The following OGDH variants were observed in gnomAD, a reference collection of about 807,000 sequenced individuals.
The protein encoded by OGDH is 2-oxoglutarate dehydrogenase complex component E1.
In OGDH, 38 loss-of-function variants were observed where a neutral mutation model predicts 116.6. The ratio of observed to expected loss-of-function variants is 0.33; its 90% CI spans 0.25 to 0.43. The LOEUF is 0.43. Ranked by LOEUF, OGDH falls within the 20% of genes least tolerant of loss-of-function variation. The pLI, the probability that OGDH is intolerant of heterozygous loss-of-function variation, is 1.00. For missense variants in OGDH, 825 were observed against 1,357.2 expected (o/e 0.61, Z 6.16); for synonymous variants, 488 against 533.3 (o/e 0.92, Z 1.17).
intron 8 of OGDH, among the ~76,000 whole-genome samples, chr7:44,675,742 T>C (rs1787663450): frequency 6.6e-6 from 1 of 151,938 alleles, no homozygotes; most frequent in Non-Finnish European, 1.5e-5. Context: ...CCGGGCGTGG[T>C]GGCGCATGCC....
chr7:44,660,267 G>A (rs1786876128), intron 4 of OGDH, among the ~76,000 whole-genome samples: 1 of 152,186 alleles, frequency 6.6e-6, no homozygotes, highest in African/African-American at 2.4e-5. Context: ...CAAGACTACA[G>A]GTGTATGCCA....
chr7:44,695,701 C>CAA (rs551704915), intron 12 of OGDH, among the ~76,000 whole-genome samples: 24 of 83,174 alleles, frequency 2.9e-4, no homozygotes, highest in African/African-American at 7.8e-4. Flanking sequence ...GACTCCGTCT[C>CAA]AAAAAAAAAA....
rs182344096 is a variant in OGDH at position 44,663,316 on chromosome 7, T to C, written c.518-3420T>C. ...AATTTGTAACTCACTTTTAAAAATT[T>C]GTCTCTATCGTGTTCTTAATTGCTC... is the stretch of plus-strand genomic sequence containing the variant. On this transcript the variant is annotated intron_variant, in intron 4 of 22. Transcript: ENST00000222673. 7.6e-4 allele frequency among the ~76,000 whole-genome samples: 116 copies of C among 152,390 alleles called. 1 individual carries two copies. Among genetic ancestry groups the C allele is most frequent in the African/African-American group, 2.7e-3 (114 of 41,596 alleles).
intron 10 of OGDH, among the ~76,000 whole-genome samples, chr7:44,692,304 T>G (rs920833657): frequency 6.6e-6 from 1 of 152,198 alleles, no homozygotes; most frequent in African/African-American, 2.4e-5. Flanking sequence ...GTATACTGTG[T>G]CTGGTTAAGT....
intron 5 of OGDH, among the ~76,000 whole-genome samples, chr7:44,671,823 A>G (rs922392960): frequency 6.7e-6 from 1 of 149,914 alleles, no homozygotes; most frequent in African/African-American, 2.5e-5. Flanking sequence ...TAATCCCAGC[A>G]CTTTGGGAGG....
chr7:44,663,471 A>C (rs1787038440), intron 4 of OGDH, among the ~76,000 whole-genome samples: 1 of 152,200 alleles, frequency 6.6e-6, no homozygotes, highest in South Asian at 2.1e-4. Flanking sequence ...CATCTCTATT[A>C]AAAATACAAA....
intron 2 of OGDH, among the ~76,000 whole-genome samples, chr7:44,629,661 C>A (rs1336919585): frequency 6.8e-6 from 1 of 147,080 alleles, no homozygotes; most frequent in Non-Finnish European, 1.5e-5. Context: ...CTCTCTGCAA[C>A]TTCCGCTTCC....
At chr7:44,683,133 A>G (rs975458692) in intron 10 of OGDH, among the ~76,000 whole-genome samples, 1 of 152,240 alleles carries the variant, frequency 6.6e-6, no homozygotes, top group African/African-American at 2.4e-5. Flanking sequence ...TGGATGACAG[A>G]GCAAGACTCT....
intron 5 of OGDH, among the ~76,000 whole-genome samples, chr7:44,669,411 C>G (rs1787333330): frequency 6.6e-6 from 1 of 152,068 alleles, no homozygotes. Context: ...CTTCGTCTCC[C>G]AAAATGCTGG....
At chr7:44,630,320 A>C (rs960035261) in intron 2 of OGDH, among the ~76,000 whole-genome samples, 4 of 152,196 alleles carry the variant, frequency 2.6e-5, no homozygotes, top group Non-Finnish European at 2.9e-5. Context: ...GGCTTCCCAC[A>C]GTGGGTATGT....
chr7:44,629,575 C>CTTTTTTTTTTTTTTTT (rs1037295168), intron 2 of OGDH, among the ~76,000 whole-genome samples: 1 of 134,434 alleles, frequency 7.4e-6, no homozygotes. Context: ...TTTTCTTTTT[C>CTTTTTTTTTTTTTTTT]TTTTCTTTTT....
chr7:44,615,207 T>G (rs1182860534), intron 1 of OGDH, among the ~76,000 whole-genome samples: 1 of 152,240 alleles, frequency 6.6e-6, no homozygotes, highest in African/African-American at 2.4e-5. Context: ...TGTTATGGAC[T>G]CTTGATCTTG....
At chr7:44,656,743 G>C (rs910152509) in intron 4 of OGDH, among the ~76,000 whole-genome samples, 1 of 152,200 alleles carries the variant, frequency 6.6e-6, no homozygotes, top group African/African-American at 2.4e-5. Flanking sequence ...ATTCTGTGCT[G>C]AGGCTTTGAC....
intron 4 of OGDH, among the ~76,000 whole-genome samples, chr7:44,661,636 T>C (rs1483623099): frequency 6.6e-6 from 1 of 152,110 alleles, no homozygotes; most frequent in African/African-American, 2.4e-5. Flanking sequence ...GTTTCGCTCT[T>C]TCACCCAGGC....
intron 1 of OGDH, among the ~76,000 whole-genome samples, chr7:44,610,162 C>A (rs1262634514): frequency 2.6e-5 from 4 of 152,018 alleles, no homozygotes; most frequent in Admixed American, 2.6e-4. Flanking sequence ...TTGTTCATTT[C>A]GTAATTAGAT....
intron 2 of OGDH, among the ~76,000 whole-genome samples, chr7:44,633,565 T>C (rs907643965): frequency 4.6e-5 from 7 of 152,350 alleles, no homozygotes; most frequent in East Asian, 1.9e-4. Context: ...CAAGACTCCC[T>C]TGGAGGGAGG....
At chr7:44,613,508 C>T (rs1784647571) in intron 1 of OGDH, among the ~76,000 whole-genome samples, 1 of 151,396 alleles carries the variant, frequency 6.6e-6, no homozygotes, top group South Asian at 2.1e-4. Flanking sequence ...TATAGGCGCC[C>T]ACCACCATGC....
chr7:44,675,097 G>C, intron 7 of OGDH, 81 bp from the exon 8 acceptor site: 5 of 1,032,944 alleles, frequency 4.8e-6, no homozygotes, highest in Non-Finnish European at 7.2e-6. Flanking sequence ...GGAGGGGGAG[G>C]GGGGGATTGT....
At chr7:44,693,203 G>A (rs1788436602) in intron 10 of OGDH, among the ~76,000 whole-genome samples, 1 of 152,150 alleles carries the variant, frequency 6.6e-6, no homozygotes, top group Middle Eastern at 3.4e-3. Context: ...AGCTACTGGG[G>A]AGGCTAAGGC....
Sources: allele counts gnomAD v4.1 joint callset (sites outside exome capture counted in the v4.1 genomes callset), GRCh38; gene constraint gnomAD v4.1.1; transcripts MANE v1.5; gene names NCBI Gene and HGNC (gene_info 2026-07-23, HGNC 2026-07-21).